Variants in MUC22 observed in about 807,000 individuals in gnomAD.
MUC22 encodes mucin-22.
A neutral mutation model predicts 40.3 loss-of-function variants in MUC22; 24 were observed. That is an observed-to-expected ratio of 0.60 (90% CI 0.43 to 0.84). The LOEUF (loss-of-function observed/expected upper bound fraction) is 0.84, where lower values mean the gene tolerates loss of function less well. Ranked by LOEUF, MUC22 falls within the 40% of genes least tolerant of loss-of-function variation. MUC22 has a pLI of 0.00. For missense variants in MUC22, 1,926 were observed against 2,130.7 expected (o/e 0.90, Z 1.89); for synonymous variants, 765 against 844.5 (o/e 0.91, Z 1.63).
chr6:31,030,410 G>C (rs111996227), intron 2 of MUC22, among the ~76,000 whole-genome samples: 1 of 151,768 alleles, frequency 6.6e-6, no homozygotes, highest in Admixed American at 6.6e-5. Flanking sequence ...CCAGCTACTC[G>C]GAAGGCTGAG....
chr6:31,026,055 C>G (rs1219187969), exon 2 of MUC22: 2 of 1,530,170 alleles, frequency 1.3e-6, no homozygotes, highest in South Asian at 1.2e-5. Flanking sequence ...CCACTAAAGT[C>G]TCTACCACAG....
chr6:31,022,387 C>G (rs1764900490), intron 1 of MUC22, among the ~76,000 whole-genome samples: 1 of 152,082 alleles, frequency 6.6e-6, no homozygotes, highest in African/African-American at 2.4e-5. Flanking sequence ...TGGTATCGAA[C>G]TCCTGGTGAT....
chr6:31,027,143 C>A lies in MUC22; in HGVS notation c.1712C>A (p.Ala571Glu), dbSNP rs575384055. 1,451 of 1,490,560 alleles carry A rather than the reference C, an allele frequency of 9.7e-4. 139 individuals carry two copies. Among genetic ancestry groups the A allele is most frequent in the East Asian group, 7.4e-3 (282 of 37,860 alleles). 92.3% of individuals were successfully genotyped at this position (1,490,560 alleles called of 1,614,324 possible). ...CCTGAGACCACCAAGGTCTCCACTGCAAGCTCTGAGGTGACCACAGTCTTT... is the reference window on the plus strand; with the variant it reads ...CCTGAGACCACCAAGGTCTCCACTGAAAGCTCTGAGGTGACCACAGTCTTT... Residue 571 changes from alanine (A) to glutamate (E), a missense_variant, in exon 2 of 4, where the codon GCA becomes GAA. Around this residue, in one of 3 missense-constraint regions of MUC22, gnomAD observed 1,281 missense variants for 1,337.8 expected, o/e 0.96. Transcript: ENST00000561890.
chr6:31,029,036 G>A, exon 2 of MUC22: 1 of 1,533,074 alleles, frequency 6.5e-7, no homozygotes, highest in African/African-American at 1.4e-5. Context: ...TCTACCACAG[G>A]CTCTGAGACC....
At chr6:31,035,017 T>C (rs1288317451) in exon 4 of MUC22, 33 of 1,400,144 alleles carry the variant, frequency 2.4e-5, no homozygotes, top group Non-Finnish European at 3.1e-5. Context: ...ATAGATTGGG[T>C]ATCAAAACAT....
chr6:31,028,131 C>A, exon 2 of MUC22: 1 of 1,529,894 alleles, frequency 6.5e-7, no homozygotes, highest in African/African-American at 1.4e-5. Context: ...CAGTCTCCAC[C>A]ACAGACTCTG....
At chr6:31,016,787 G>A (rs953209848) in intron 1 of MUC22, among the ~76,000 whole-genome samples, 1 of 152,238 alleles carries the variant, frequency 6.6e-6, no homozygotes, top group African/African-American at 2.4e-5. Flanking sequence ...TCAGGGAGGT[G>A]TGGAGGGAGA....
chr6:31,016,806 C>T (rs908963095), intron 1 of MUC22, among the ~76,000 whole-genome samples: 5 of 152,210 alleles, frequency 3.3e-5, no homozygotes, highest in Non-Finnish European at 7.4e-5. Flanking sequence ...GAGGCACGGG[C>T]GGGAACCCGG....
chr6:31,034,879 C>T, exon 4 of MUC22: 1 of 1,535,536 alleles, frequency 6.5e-7, no homozygotes, highest in Non-Finnish European at 8.7e-7. Context: ...GAGCCACATC[C>T]ATGGAGATGG....
chr6:31,015,045 G>C (rs1764096046), intron 1 of MUC22, among the ~76,000 whole-genome samples: 2 of 152,152 alleles, frequency 1.3e-5, no homozygotes, highest in African/African-American at 4.8e-5. Flanking sequence ...AGGGTGAACA[G>C]TTTAGGATTG....
chr6:31,010,682 C>T, exon 1 of MUC22: 1 of 702,456 alleles, frequency 1.4e-6, no homozygotes, highest in Non-Finnish European at 2.6e-6. Context: ...ATCTAAATGA[C>T]AACTTCTATG....
intron 1 of MUC22, among the ~76,000 whole-genome samples, chr6:31,020,886 A>G (rs1276111948): frequency 1.3e-5 from 2 of 152,184 alleles, no homozygotes; most frequent in Non-Finnish European, 2.9e-5. Context: ...CGGAGGGTGT[A>G]CTAGGTCCCC....
At chr6:31,026,134 T>C in exon 2 of MUC22, 1 of 1,531,680 alleles carries the variant, frequency 6.5e-7, no homozygotes. Context: ...CATGGCAGGC[T>C]CTGAGGCCAC....
chr6:31,030,232 T>C, intron 2 of MUC22, 132 bp downstream of exon 2: 1 of 1,144,018 alleles, frequency 8.7e-7, no homozygotes, highest in Non-Finnish European at 1.2e-6. Flanking sequence ...AATTTCCTCT[T>C]CTAGGCTGGG....
rs531071190 is a variant in MUC22 at position 31,015,341 on chromosome 6, A to T, written c.70+4565A>T. ...AACATGATAATATACAGAAATTAAAAATATATATACAAGCAGAAATCAAGG... is the reference window on the plus strand; with the variant it reads ...AACATGATAATATACAGAAATTAAATATATATATACAAGCAGAAATCAAGG... On this transcript the variant is annotated intron_variant, in intron 1 of 3. Transcript: ENST00000561890. Among the ~76,000 whole-genome samples the T allele has an allele frequency of 1.9e-3, 286 of 152,284 alleles. 1 individual carries two copies. The highest frequency in any genetic ancestry group is 6.2e-3 in the African/African-American group (257 of 41,560).
At chr6:31,016,719 C>T (rs550884231) in intron 1 of MUC22, among the ~76,000 whole-genome samples, 3 of 152,384 alleles carry the variant, frequency 2.0e-5, no homozygotes, top group East Asian at 1.9e-4. Flanking sequence ...CAGCCCCCCG[C>T]TGCACTGTGG....
Position 31,032,521 on chromosome 6 carries a change from C to A in MUC22, c.4995C>A (p.Leu1665=). 5 of 1,535,702 alleles carry A rather than the reference C, an allele frequency of 3.3e-6. No homozygotes were observed. Among genetic ancestry groups the A allele is most frequent in the Non-Finnish European group, 4.4e-6 (5 of 1,146,908 alleles). ...ATTTACAGCCCTGGGCTATCATCCT[C>A]ATTTCCCTGGCTGCAGTTGTGGCTG... The change falls in exon 3 of 4, where the codon CTC becomes CTA. Residue 1665 remains leucine, a synonymous_variant. Transcript: ENST00000561890. This position sits in a 1 kb window ranked among gnomAD's most constrained non-coding sequence, Gnocchi z 4.1.
rs372700677 is a variant in MUC22, at chr6:31,028,417, A to T, written c.2986A>T (p.Thr996Ser). The change falls in exon 2 of 4, where the codon ACA (threonine) becomes TCA (serine). Residue 996 changes from threonine to serine, a missense_variant. By Grantham distance (58) the Thr-to-Ser change is moderately conservative. Coordinates refer to ENST00000561890, the Ensembl canonical transcript of MUC22. The stretch of plus-strand genomic sequence containing the variant: ...CTCTACTGAAGGCTCCGAGACCACC[A>T]CAGCCTCTACTGAAGGCTCCGAGAC... The T allele has an allele frequency of 3.3e-6, 5 of 1,520,712 alleles. No homozygotes were observed. In the South Asian group the frequency reaches 5.0e-5, roughly 15 times the overall value. The allele number at this position is 1,520,712 out of a possible 1,614,324, so 94.2% of individuals were successfully genotyped here.
intron 2 of MUC22, among the ~76,000 whole-genome samples, chr6:31,030,747 T>G (rs1279476190): frequency 6.6e-6 from 1 of 152,202 alleles, no homozygotes; most frequent in African/African-American, 2.4e-5. Context: ...TTATCTCTAT[T>G]CAACCAACCA....
Sources: allele counts gnomAD v4.1 joint callset (sites outside exome capture counted in the v4.1 genomes callset), GRCh38; gene constraint gnomAD v4.1.1; regional missense constraint gnomAD v4.1.1; non-coding constraint Gnocchi (gnomAD v3.1); transcripts MANE v1.5; gene names NCBI Gene and HGNC (gene_info 2026-07-23, HGNC 2026-07-21).